DGAT2: variants seen among roughly 807,000 people sequenced by gnomAD.
DGAT2 encodes diacylglycerol O-acyltransferase 2, also known as acyl-CoA retinol O-fatty-acyltransferase.
A neutral mutation model predicts 48.4 loss-of-function variants in DGAT2; 33 were observed. That is an observed-to-expected ratio of 0.68 (90% CI 0.52 to 0.91). The LOEUF (loss-of-function observed/expected upper bound fraction) is 0.91, where lower values mean the gene tolerates loss of function less well. Ranked by LOEUF, DGAT2 falls within the 40% of genes least tolerant of loss-of-function variation. DGAT2 has a pLI of 0.00. For synonymous variants in DGAT2, 191 were observed against 194.1 expected, an observed-to-expected ratio of 0.98 and a Z score of 0.13; for missense variants, 446 against 493.7, an observed-to-expected ratio of 0.90 and a Z score of 0.92.
chr11:75,786,077 A>G lies in DGAT2; in HGVS notation c.250+1331A>G, dbSNP rs185045616. Among the ~76,000 whole-genome samples the G allele has an allele frequency of 1.5e-3, 222 of 152,300 alleles. 1 individual carries two copies. The highest frequency in any genetic ancestry group is 5.1e-3 in the African/African-American group (210 of 41,572). On this transcript the variant is annotated intron_variant, in intron 2 of 7. Transcript: ENST00000228027. ...CTTAAAATTAGATGCAAGATTATAT[A>G]TGAGTATGTGCACATTTTTCTGGGG...
intron 7 of DGAT2, among the ~76,000 whole-genome samples, chr11:75,799,410 T>A (rs993776008): frequency 1.3e-5 from 2 of 152,138 alleles, no homozygotes; most frequent in Admixed American, 1.3e-4. Context: ...GAGACTGTTT[T>A]GGTAGCCAGT....
intron 1 of DGAT2, among the ~76,000 whole-genome samples, chr11:75,780,857 T>C (rs909773375): frequency 6.6e-6 from 1 of 152,232 alleles, no homozygotes; most frequent in African/African-American, 2.4e-5. Context: ...TGCAAGGGCA[T>C]GGAGGGTCTC....
intron 1 of DGAT2, among the ~76,000 whole-genome samples, chr11:75,780,625 C>G (rs1944851734): frequency 6.6e-6 from 1 of 152,162 alleles, no homozygotes; most frequent in African/African-American, 2.4e-5. Context: ...ACAGATCATT[C>G]ATTTCTCCCC....
chr11:75,784,817 G>A, intron 2 of DGAT2, 71 bp downstream of exon 2: 1 of 1,587,580 alleles, frequency 6.3e-7, no homozygotes, highest in Non-Finnish European at 8.6e-7. Context: ...TAGAGCAGGA[G>A]CCCTGCTCTA....
chr11:75,790,115 T>C (rs926557399), intron 2 of DGAT2, 73 bp from the exon 3 acceptor site: 2 of 1,115,662 alleles, frequency 1.8e-6, no homozygotes, highest in Non-Finnish European at 1.4e-6. Context: ...CAGTAAACAC[T>C]CACTCCATCC....
intron 1 of DGAT2, chr11:75,777,006 G>A (rs73504563): frequency 0.047 from 7,226 of 152,532 alleles, 574 homozygotes; most frequent in African/African-American, 0.16. Context: ...CTCTGTCTCC[G>A]TGCAACTTGT....
intron 1 of DGAT2, among the ~76,000 whole-genome samples, chr11:75,782,566 C>A (rs1399056168): frequency 1.3e-5 from 2 of 152,192 alleles, no homozygotes; most frequent in Non-Finnish European, 2.9e-5. Flanking sequence ...CAGCCCCAGC[C>A]CTTGGATCAA....
chr11:75,797,612 A>T (rs1945071227), intron 6 of DGAT2, among the ~76,000 whole-genome samples: 1 of 152,188 alleles, frequency 6.6e-6, no homozygotes, highest in Admixed American at 6.5e-5. Flanking sequence ...TGGGGCCAGA[A>T]TATATCATTT....
At chr11:75,796,898 G>T in intron 5 of DGAT2, 1 of 445,714 alleles carries the variant, frequency 2.2e-6, no homozygotes, top group Non-Finnish European at 4.0e-6. Flanking sequence ...GCACCGACTT[G>T]GCAGAATTAG....
chr11:75,798,484 C>A, intron 7 of DGAT2, 55 bp downstream of exon 7: 1 of 1,585,446 alleles, frequency 6.3e-7, no homozygotes, highest in Non-Finnish European at 8.6e-7. Flanking sequence ...TGCCATACAG[C>A]TAATCAGCAG....
intron 4 of DGAT2, among the ~76,000 whole-genome samples, chr11:75,791,450 G>C (rs561762638): frequency 6.6e-6 from 1 of 152,260 alleles, no homozygotes; most frequent in East Asian, 1.9e-4. Context: ...CTCTCTAACT[G>C]CAGAAAATTT....
chr11:75,781,897 CT>C (rs1356667809), intron 1 of DGAT2, among the ~76,000 whole-genome samples: 24 of 152,148 alleles, frequency 1.6e-4, no homozygotes, highest in Non-Finnish European at 3.1e-4. Flanking sequence ...ACCTAATAAG[CT>C]TAGCAGAGAG....
intron 1 of DGAT2, among the ~76,000 whole-genome samples, chr11:75,773,247 A>T (rs1944774899): frequency 6.6e-6 from 1 of 152,036 alleles, no homozygotes; most frequent in African/African-American, 2.4e-5. Context: ...TGTGCTAGGG[A>T]CTGGGTGCTG....
At chr11:75,777,525 T>G (rs1033283329) in intron 1 of DGAT2, among the ~76,000 whole-genome samples, 2 of 152,354 alleles carry the variant, frequency 1.3e-5, no homozygotes, top group African/African-American at 4.8e-5. Context: ...TTATCTCATT[T>G]AATTCCCACA....
At chr11:75,775,675 TCA>T (rs1390815535) in intron 1 of DGAT2, among the ~76,000 whole-genome samples, 3 of 152,156 alleles carry the variant, frequency 2.0e-5, no homozygotes, top group East Asian at 3.9e-4. Flanking sequence ...CCAACTAGAC[TCA>T]CAGTCTCTGT....
In DGAT2 at chr11:75,800,592, T is replaced by C; in HGVS notation, c.*84T>C. 2 of 1,461,212 alleles carry C rather than the reference T, an allele frequency of 1.4e-6. No homozygotes were observed. The highest frequency in any genetic ancestry group is 1.4e-5 in the African/African-American group (1 of 70,124). 90.5% of individuals were successfully genotyped at this position (1,461,212 alleles called of 1,614,324 possible). A position where few individuals can be genotyped will look rare whatever the true frequency, so the allele number is the denominator to read the frequency against. On this transcript the variant is annotated 3_prime_UTR_variant, in exon 8 of 8. Coordinates refer to ENST00000228027, the MANE Select transcript of DGAT2 (RefSeq NM_032564.5). The stretch of plus-strand genomic sequence containing the variant: ...TAAATTTGGAAGTGTCATGGGTGTC[T>C]GTGGGTTATTTAAAAGAAATTATAA...
intron 2 of DGAT2, among the ~76,000 whole-genome samples, chr11:75,786,860 A>G (rs1944927948): frequency 6.6e-6 from 1 of 152,226 alleles, no homozygotes; most frequent in Non-Finnish European, 1.5e-5. Flanking sequence ...GATGAGGCCT[A>G]TGCCCTTTCT....
In DGAT2 at chr11:75,792,837, G is replaced by C. The variant is rs183836581; in HGVS notation, c.429+2106G>C. 221 of 152,410 alleles carry C rather than the reference G, an allele frequency of 1.5e-3. 1 individual carries two copies. The highest frequency in any genetic ancestry group is 5.0e-3 in the African/African-American group (209 of 41,594). The allele number at this position is 152,410 out of a possible 1,614,324, so 9.4% of individuals were successfully genotyped here. On this transcript the variant is annotated intron_variant, in intron 4 of 7. Coordinates refer to ENST00000228027, the MANE Select transcript of DGAT2 (RefSeq NM_032564.5). ...ACTGATAGGCTTACTGAGGCACAGA[G>C]AGGAGGGACTATCCCAAGGTCACAA...
At chr11:75,787,386 C>A (rs73504572) in intron 2 of DGAT2, among the ~76,000 whole-genome samples, 7,613 of 152,324 alleles carry the variant, frequency 0.05, 641 homozygotes, top group African/African-American at 0.17. Flanking sequence ...GTCTCAGAGT[C>A]CATGCTCTTC....
Sources: gnomAD v4.1 joint callset for allele counts (sites outside exome capture counted in the v4.1 genomes callset) on GRCh38, gnomAD v4.1.1 for gene constraint, MANE v1.5 for transcripts, NCBI Gene and HGNC (gene_info 2026-07-23, HGNC 2026-07-21) for gene names.